FSTL5: variants seen among roughly 807,000 people sequenced by gnomAD.
FSTL5 encodes follistatin like 5.
FSTL5 carries 62 observed loss-of-function variants against 89.1 expected under a neutral mutation model. The ratio of observed to expected loss-of-function variants is 0.70; its 90% CI spans 0.57 to 0.86. FSTL5 has a LOEUF of 0.86. Among genes scored for constraint, FSTL5 ranks in the 40% least tolerant of loss-of-function variants. FSTL5 has a pLI of 0.00. For missense variants in FSTL5, 1,057 were observed against 1,001.6 expected (o/e 1.06, Z -0.75); for synonymous variants, 383 against 346.2 (o/e 1.11, Z -1.18).
At chr4:161,457,712 A>G (rs1310975808) in intron 14 of FSTL5, among the ~76,000 whole-genome samples, 1 of 152,130 alleles carries the variant, frequency 6.6e-6, no homozygotes, top group Non-Finnish European at 1.5e-5. Context: ...GAGTATTAAA[A>G]TAATTTATAA....
chr4:161,432,120 T>C (rs1732400099), intron 15 of FSTL5, among the ~76,000 whole-genome samples: 1 of 152,102 alleles, frequency 6.6e-6, no homozygotes, highest in African/African-American at 2.4e-5. Context: ...CATATAAATA[T>C]TTATAGAATA....
intron 4 of FSTL5, among the ~76,000 whole-genome samples, chr4:161,827,823 G>T (rs984847364): frequency 1.3e-5 from 2 of 152,144 alleles, no homozygotes; most frequent in Non-Finnish European, 2.9e-5. Flanking sequence ...CACAGAGTTT[G>T]TTTCCGGGCA....
At chr4:161,580,488 A>G (rs1214063968) in intron 8 of FSTL5, among the ~76,000 whole-genome samples, 1 of 152,204 alleles carries the variant, frequency 6.6e-6, no homozygotes, top group African/African-American at 2.4e-5. Context: ...GGGAAAAGTT[A>G]GACAATGAAA....
chr4:161,969,622 A>G lies in FSTL5; in HGVS notation c.161-48970T>C, dbSNP rs1234883688. On this transcript the variant is annotated intron_variant, in intron 3 of 15. Coordinates refer to ENST00000306100, the MANE Select transcript of FSTL5 (RefSeq NM_020116.5). The stretch of plus-strand genomic sequence containing the variant: ...AAAATACTAAAACAAAAACGAACTC[A>G]TCCTGTATTCCACTGGATATGAAAT... Among the ~76,000 whole-genome samples the G allele has an allele frequency of 2.6e-5, 4 of 152,288 alleles. No homozygotes were observed. The East Asian group carries it at 7.7e-4, about 29-fold the overall frequency.
chr4:161,549,124 A>G (rs1732108687), intron 8 of FSTL5, among the ~76,000 whole-genome samples: 2 of 151,762 alleles, frequency 1.3e-5, no homozygotes, highest in African/African-American at 4.8e-5. Context: ...CCTGCTAATG[A>G]AAATATGTTT....
At chr4:161,597,629 A>T (rs1391869447) in intron 7 of FSTL5, among the ~76,000 whole-genome samples, 2 of 129,192 alleles carry the variant, frequency 1.5e-5, no homozygotes, top group African/African-American at 9.1e-5. Context: ...AAAGTATAAT[A>T]AAAAAAATAT....
intron 4 of FSTL5, among the ~76,000 whole-genome samples, chr4:161,849,809 T>C (rs983304707): frequency 2.0e-5 from 3 of 152,296 alleles, no homozygotes; most frequent in East Asian, 3.9e-4. Flanking sequence ...ATTTAACTTA[T>C]ATAACCTATA....
At chr4:161,509,301 C>G (rs990106897) in intron 11 of FSTL5, among the ~76,000 whole-genome samples, 7 of 152,114 alleles carry the variant, frequency 4.6e-5, no homozygotes, top group African/African-American at 1.7e-4. Context: ...GAAACTCCAT[C>G]TCAAATAAAT....
intron 4 of FSTL5, among the ~76,000 whole-genome samples, chr4:161,860,910 C>CTA (rs1186662034): frequency 1.3e-5 from 2 of 152,018 alleles, no homozygotes. Flanking sequence ...ACCCCTCTCT[C>CTA]TCTCACACAC....
chr4:161,560,548 T>C (rs1732558746), intron 8 of FSTL5, among the ~76,000 whole-genome samples: 1 of 148,924 alleles, frequency 6.7e-6, no homozygotes, highest in African/African-American at 2.4e-5. Flanking sequence ...AAATTTTTTA[T>C]ATTTTTATTT....
intron 5 of FSTL5, among the ~76,000 whole-genome samples, chr4:161,760,412 T>C (rs961683295): frequency 2.0e-5 from 3 of 152,184 alleles, no homozygotes; most frequent in African/African-American, 7.2e-5. Context: ...GGTTGGTTTG[T>C]TTGTTTTAAA....
At chr4:161,668,888 G>T (rs1579007719) in intron 6 of FSTL5, among the ~76,000 whole-genome samples, 1 of 151,998 alleles carries the variant, frequency 6.6e-6, no homozygotes, top group East Asian at 1.9e-4. Context: ...GAGGTGGGTG[G>T]ATCACCTGAG....
rs181954276 is a variant in FSTL5, at chr4:161,472,532, T to C, written c.1608+8488A>G. On this transcript the variant is annotated intron_variant, in intron 13 of 15. Transcript: ENST00000306100. ...ATCCTTCAGCACTGGTTTTGCCATG[T>C]CCCATAAGTTTTGGTCTGTTGTGCT... is the stretch of plus-strand genomic sequence containing the variant. Among the ~76,000 whole-genome samples, 66 of 152,284 alleles carry C rather than the reference T, an allele frequency of 4.3e-4. No individual in the cohort carries two copies. In the East Asian group the frequency reaches 0.012, roughly 27 times the overall value.
At chr4:161,482,888 T>C (rs1490380207) in intron 12 of FSTL5, among the ~76,000 whole-genome samples, 2 of 152,174 alleles carry the variant, frequency 1.3e-5, no homozygotes, top group Non-Finnish European at 2.9e-5. Context: ...CATGAAACAA[T>C]AGTGTTCTCT....
At chr4:161,732,255 G>A (rs953937332) in intron 6 of FSTL5, among the ~76,000 whole-genome samples, 1 of 151,992 alleles carries the variant, frequency 6.6e-6, no homozygotes, top group Non-Finnish European at 1.5e-5. Context: ...ATACATATGG[G>A]TGTTGAGAAA....
At chr4:161,851,643 A>G (rs1427048264) in intron 4 of FSTL5, among the ~76,000 whole-genome samples, 1 of 152,114 alleles carries the variant, frequency 6.6e-6, no homozygotes, top group Non-Finnish European at 1.5e-5. Flanking sequence ...TTAATTCTGG[A>G]TGTTGGTTTA....
At chr4:162,118,605 T>C (rs1194870705) in intron 1 of FSTL5, among the ~76,000 whole-genome samples, 1 of 152,210 alleles carries the variant, frequency 6.6e-6, no homozygotes, top group Non-Finnish European at 1.5e-5. Flanking sequence ...ATTTTCTCCA[T>C]TAAGCAGCAC....
rs914418761 is a variant in FSTL5, at chr4:161,528,490, T to C, written c.1312+9676A>G. Among the ~76,000 whole-genome samples the C allele has an allele frequency of 1.2e-4, 17 of 142,684 alleles. 3 individuals are homozygous for C. Among genetic ancestry groups the C allele is most frequent in the Non-Finnish European group, 2.5e-4 (16 of 65,104 alleles). The allele number at this position is 142,684 out of a possible 152,430, so 93.6% of individuals were successfully genotyped here. A position where few individuals can be genotyped will look rare whatever the true frequency, so the allele number is the denominator to read the frequency against. On this transcript the variant is annotated intron_variant, in intron 10 of 15. Transcript: ENST00000306100. The stretch of plus-strand genomic sequence containing the variant: ...ATCAGAATTCTGGTATTTGGGTAAA[T>C]AGAGGACAATAGGAAACACAGTTGT...
intron 2 of FSTL5, among the ~76,000 whole-genome samples, chr4:162,102,312 G>C (rs1189985782): frequency 6.6e-6 from 1 of 151,738 alleles, no homozygotes; most frequent in Non-Finnish European, 1.5e-5. Context: ...AATCCATGTA[G>C]TTTTTCAACT....
Sources: allele counts gnomAD v4.1 joint callset (sites outside exome capture counted in the v4.1 genomes callset), GRCh38; gene constraint gnomAD v4.1.1; transcripts MANE v1.5; gene names NCBI Gene and HGNC (gene_info 2026-07-23, HGNC 2026-07-21).